The following AR variants were observed in gnomAD, a reference collection of about 807,000 sequenced individuals.
The protein encoded by AR is androgen receptor.
In AR, 8 loss-of-function variants were observed where a neutral mutation model predicts 53.9. The ratio of observed to expected loss-of-function variants is 0.15; its 90% CI spans 0.09 to 0.27. The LOEUF (loss-of-function observed/expected upper bound fraction) is 0.27. AR is among the 10% of genes least tolerant of loss of function. The pLI, the probability that AR is intolerant of heterozygous loss-of-function variation, is 1.00. For synonymous variants in AR, 359 were observed against 316.4 expected (o/e 1.13, Z -1.43); for missense variants, 639 against 742.5 (o/e 0.86, Z 1.62).
chrX:67,606,641 C>T (rs907401887), intron 1 of AR, among the ~76,000 whole-genome samples: 1 of 112,494 alleles, frequency 8.9e-6, no homozygotes, highest in South Asian at 3.6e-4. Context: ...TCACCAAGTA[C>T]TTCTTACGTA....
At chrX:67,558,720 G>A (rs1208868429) in intron 1 of AR, among the ~76,000 whole-genome samples, 5 of 112,220 alleles carry the variant, frequency 4.5e-5, no homozygotes, top group Non-Finnish European at 1.9e-5. Flanking sequence ...GTTGATCTCC[G>A]ACTGCTACAA....
At chrX:67,722,500 T>C (rs2076140073) in intron 6 of AR, among the ~76,000 whole-genome samples, 1 of 112,198 alleles carries the variant, frequency 8.9e-6, no homozygotes, top group Non-Finnish European at 1.9e-5. Flanking sequence ...AAGCTATGTG[T>C]TTTGGTTATC....
intron 1 of AR, among the ~76,000 whole-genome samples, chrX:67,566,652 A>G (rs1247851930): frequency 1.8e-5 from 2 of 110,792 alleles, no homozygotes; most frequent in Non-Finnish European, 3.8e-5. Flanking sequence ...TATGTATTTG[A>G]GTAGAGTATG....
chrX:67,694,018 C>A (rs969679793), intron 3 of AR, among the ~76,000 whole-genome samples: 11 of 111,329 alleles, frequency 9.9e-5, no homozygotes, highest in Admixed American at 7.7e-4. Flanking sequence ...AAATCTGCAT[C>A]TTGACCAAGA....
At chrX:67,562,356 ATGTGTGTGTGTGTGTGTG>A (rs756124629) in intron 1 of AR, among the ~76,000 whole-genome samples, 1 of 95,029 alleles carries the variant, frequency 1.1e-5, no homozygotes, top group Non-Finnish European at 2.1e-5. Context: ...TATGGTGTAT[ATGTGTGTGTGTGTGTGTG>A]TGTGTGTGTG....
intron 3 of AR, among the ~76,000 whole-genome samples, chrX:67,702,190 GATGTA>G (rs1333592340): frequency 1.8e-5 from 2 of 111,626 alleles, no homozygotes; most frequent in Non-Finnish European, 3.8e-5. Context: ...GGAATTAAGT[GATGTA>G]ATGTGATGAA....
intron 3 of AR, chrX:67,694,764 G>A: frequency 8.7e-7 from 1 of 1,150,680 alleles, no homozygotes; most frequent in South Asian, 1.9e-5. Context: ...GGCTCTAGAG[G>A]GCTCTAGTGG....
intron 1 of AR, among the ~76,000 whole-genome samples, chrX:67,626,608 T>C (rs749987557): frequency 1.0e-4 from 5 of 48,055 alleles, no homozygotes; most frequent in Non-Finnish European, 2.2e-4. Flanking sequence ...GCCCGACTAA[T>C]TTTATATATA....
chrX:67,723,846 T>C lies in AR; in HGVS notation c.*5T>C, dbSNP rs779363787. The C allele has an allele frequency of 5.8e-6, 7 of 1,207,209 alleles. No individual in the cohort carries two copies. Among genetic ancestry groups the C allele is most frequent in the South Asian group, 1.8e-5 (1 of 56,653 alleles). On this transcript the variant is annotated 3_prime_UTR_variant, in exon 8 of 8. Transcript: ENST00000374690. ...ATCTATTTCCACACCCAGTGAAGCA[T>C]TGGAAACCCTATTTCCCCACCCCAG...
chrX:67,634,556 CT>C lies in AR; in HGVS notation c.1617-8698del, dbSNP rs781437289. Among the ~76,000 whole-genome samples the C allele has an allele frequency of 1.1e-4, 12 of 112,116 alleles. 1 individual carries two copies. In the Admixed American group the frequency reaches 1.1e-3, roughly 11 times the overall value. ...GATCTTCTACCTATGTGTCTTTCCA[CT>C]TCAACTAAAGAATTTATTAAAGAGA... On this transcript the variant is annotated intron_variant, in intron 1 of 7. Coordinates refer to ENST00000374690, the MANE Select transcript of AR (RefSeq NM_000044.6).
intron 1 of AR, among the ~76,000 whole-genome samples, chrX:67,632,909 A>C (rs1925237403): frequency 8.9e-6 from 1 of 112,273 alleles, no homozygotes; most frequent in Non-Finnish European, 1.9e-5. Context: ...ACAAATTTAA[A>C]AATGCTCAAC....
At chrX:67,699,481 C>G (rs1602264044) in intron 3 of AR, among the ~76,000 whole-genome samples, 1 of 112,221 alleles carries the variant, frequency 8.9e-6, no homozygotes, top group East Asian at 2.8e-4. Context: ...TTGAATGTTT[C>G]TCACTCTACG....
At chrX:67,681,183 G>A (rs753979789) in intron 2 of AR, among the ~76,000 whole-genome samples, 1 of 111,647 alleles carries the variant, frequency 9.0e-6, no homozygotes, top group African/African-American at 3.3e-5. Context: ...ATACAACTTT[G>A]CTGTTGGAAA....
intron 2 of AR, among the ~76,000 whole-genome samples, chrX:67,670,166 T>A (rs1416992146): frequency 1.1e-5 from 1 of 88,300 alleles, no homozygotes; most frequent in Non-Finnish European, 2.2e-5. Flanking sequence ...ATATATACTA[T>A]ATATGCTTTA....
intron 1 of AR, among the ~76,000 whole-genome samples, chrX:67,629,625 G>T (rs931174795): frequency 9.1e-6 from 1 of 110,072 alleles, no homozygotes; most frequent in African/African-American, 3.3e-5. Context: ...GGTTTTTTGT[G>T]TCTCTATTTC....
At chrX:67,656,221 G>A (rs1397220520) in intron 2 of AR, among the ~76,000 whole-genome samples, 2 of 111,777 alleles carry the variant, frequency 1.8e-5, no homozygotes, top group Non-Finnish European at 3.8e-5. Flanking sequence ...CAACAAGCAT[G>A]TATGGTATCA....
intron 1 of AR, among the ~76,000 whole-genome samples, chrX:67,625,219 A>T (rs1341624139): frequency 9.0e-6 from 1 of 111,402 alleles, no homozygotes; most frequent in East Asian, 2.8e-4. Context: ...AAAGAAGCGT[A>T]AGACTTGTAT....
chrX:67,589,240 G>A (rs1261641122), intron 1 of AR, among the ~76,000 whole-genome samples: 3 of 106,712 alleles, frequency 2.8e-5, no homozygotes, highest in Non-Finnish European at 5.8e-5. Context: ...TCCGCAGTCC[G>A]GCCTGGGCGA....
intron 2 of AR, chrX:67,680,620 T>A: frequency 3.1e-6 from 1 of 318,065 alleles, no homozygotes; most frequent in South Asian, 2.8e-5. Context: ...TCTCTGTAGG[T>A]TAACAATGAA....
Sources: allele counts gnomAD v4.1 joint callset (sites outside exome capture counted in the v4.1 genomes callset), GRCh38; gene constraint gnomAD v4.1.1; transcripts MANE v1.5; gene names NCBI Gene and HGNC (gene_info 2026-07-23, HGNC 2026-07-21).